Variants in ARHGAP10 observed in about 807,000 individuals in gnomAD.
The protein encoded by ARHGAP10 is rho GTPase-activating protein 10.
A neutral mutation model predicts 108.6 loss-of-function variants in ARHGAP10; 87 were observed. The ratio of observed to expected loss-of-function variants is 0.80; its 90% CI spans 0.67 to 0.96. The LOEUF is 0.96. ARHGAP10 is among the 40% of genes least tolerant of loss of function. The pLI is 0.00. For missense variants in ARHGAP10, 939 were observed against 954.5 expected, an observed-to-expected ratio of 0.98 and a Z score of 0.21; for synonymous variants, 347 against 341.1, an observed-to-expected ratio of 1.02 and a Z score of -0.19.
At chr4:147,788,795 C>T (rs1406675955) in intron 1 of ARHGAP10, among the ~76,000 whole-genome samples, 2 of 152,150 alleles carry the variant, frequency 1.3e-5, no homozygotes, top group Admixed American at 1.3e-4. Flanking sequence ...AGCAGATTCC[C>T]ATGACACCAG....
chr4:147,999,276 G>A (rs1282643132), intron 18 of ARHGAP10, among the ~76,000 whole-genome samples: 2 of 152,236 alleles, frequency 1.3e-5, no homozygotes, highest in East Asian at 3.8e-4. Flanking sequence ...CAGCAGGAGG[G>A]ACAGTGATTG....
intron 18 of ARHGAP10, among the ~76,000 whole-genome samples, chr4:147,980,655 A>T (rs763669624): frequency 6.6e-6 from 1 of 152,140 alleles, no homozygotes; most frequent in Non-Finnish European, 1.5e-5. Context: ...CTGTGAATCC[A>T]TCTCGTCCAG....
At chr4:147,800,280 C>A (rs1224067131) in intron 1 of ARHGAP10, among the ~76,000 whole-genome samples, 7 of 152,190 alleles carry the variant, frequency 4.6e-5, no homozygotes, top group African/African-American at 1.7e-4. Flanking sequence ...GAGCCAGACA[C>A]TTGTTGAGAT....
intron 18 of ARHGAP10, among the ~76,000 whole-genome samples, chr4:147,969,523 T>A (rs1739328521): frequency 6.6e-6 from 1 of 152,128 alleles, no homozygotes; most frequent in Admixed American, 6.5e-5. Flanking sequence ...CAACAATCAT[T>A]TGATTAAATC....
intron 9 of ARHGAP10, among the ~76,000 whole-genome samples, chr4:147,879,874 A>C (rs1735255744): frequency 6.6e-6 from 1 of 152,240 alleles, no homozygotes; most frequent in African/African-American, 2.4e-5. Context: ...CACTGACAGC[A>C]AGCTTTCATG....
intron 10 of ARHGAP10, among the ~76,000 whole-genome samples, chr4:147,885,506 T>C (rs1735509984): frequency 6.6e-6 from 1 of 152,176 alleles, no homozygotes; most frequent in African/African-American, 2.4e-5. Context: ...TTATGGGAGC[T>C]ACAATTCAAG....
At chr4:147,944,605 T>C (rs1203238677) in intron 14 of ARHGAP10, among the ~76,000 whole-genome samples, 1 of 152,234 alleles carries the variant, frequency 6.6e-6, no homozygotes, top group African/African-American at 2.4e-5. Flanking sequence ...TTTTTCTTTT[T>C]AGTGTTTTTA....
chr4:147,760,031 T>C (rs1729532214), intron 1 of ARHGAP10, among the ~76,000 whole-genome samples: 1 of 152,224 alleles, frequency 6.6e-6, no homozygotes, highest in African/African-American at 2.4e-5. Flanking sequence ...ATTATAGGCA[T>C]GAGACACTGG....
chr4:147,866,853 T>C, intron 7 of ARHGAP10, 37 bp downstream of exon 7: 2 of 1,501,272 alleles, frequency 1.3e-6, no homozygotes, highest in Non-Finnish European at 1.8e-6. Flanking sequence ...AAAAGATGTT[T>C]GAAAAGTATT....
intron 20 of ARHGAP10, among the ~76,000 whole-genome samples, chr4:148,059,571 A>G (rs926338535): frequency 1.3e-5 from 2 of 152,082 alleles, no homozygotes; most frequent in Non-Finnish European, 2.9e-5. Flanking sequence ...TATTTCACTA[A>G]TCACCTTTGA....
At chr4:148,055,499 GCCAA>G (rs1247794813) in intron 20 of ARHGAP10, among the ~76,000 whole-genome samples, 1 of 152,178 alleles carries the variant, frequency 6.6e-6, no homozygotes, top group Non-Finnish European at 1.5e-5. Flanking sequence ...GAGCAGCCTG[GCCAA>G]CATGGTGAAA....
At chr4:147,918,723 T>C (rs1737099224) in intron 13 of ARHGAP10, among the ~76,000 whole-genome samples, 1 of 152,218 alleles carries the variant, frequency 6.6e-6, no homozygotes, top group African/African-American at 2.4e-5. Context: ...TTTAATTCAC[T>C]ATCACTGGGA....
chr4:147,966,821 A>C lies in ARHGAP10; in HGVS notation c.1698A>C (p.Leu566Phe). Reference protein sequence around the residue: ...LKFQNIVVEILIENHEKIFRT... With the variant: ...LKFQNIVVEIFIENHEKIFRT... The stretch of plus-strand genomic sequence containing the variant: ...TTCAGAATATTGTTGTGGAAATCTT[A>C]ATTGAAAACCATGAAAAGGTAAAAT... The change falls in exon 18 of 23, where the codon TTA becomes TTC. Residue 566 changes from leucine (L) to phenylalanine (F), a missense_variant. By Grantham distance (22) the Leu-to-Phe change is conservative (BLOSUM62 0). Transcript: ENST00000336498. 6.3e-7 allele frequency: 1 copy of C among 1,576,220 alleles called. No individual in the cohort carries two copies.
intron 16 of ARHGAP10, among the ~76,000 whole-genome samples, chr4:147,963,720 G>GA (rs1346227658): frequency 2.0e-5 from 3 of 152,202 alleles, no homozygotes; most frequent in Non-Finnish European, 4.4e-5. Context: ...CTGAAATCAA[G>GA]ACGTTGGGAG....
chr4:148,014,078 G>A (rs1008500116), intron 18 of ARHGAP10, among the ~76,000 whole-genome samples: 2 of 152,158 alleles, frequency 1.3e-5, no homozygotes, highest in Non-Finnish European at 2.9e-5. Flanking sequence ...CATCAAAGAA[G>A]GAGGAAGAAG....
intron 19 of ARHGAP10, 106 bp downstream of exon 19, chr4:148,023,519 T>G: frequency 8.1e-7 from 1 of 1,236,746 alleles, no homozygotes; most frequent in Non-Finnish European, 1.1e-6. Context: ...TTTAATTTCT[T>G]CTTCCCTTAA....
At chr4:148,029,999 C>T (rs939737551) in intron 19 of ARHGAP10, among the ~76,000 whole-genome samples, 2 of 151,426 alleles carry the variant, frequency 1.3e-5, no homozygotes, top group East Asian at 1.9e-4. Flanking sequence ...CAGCATCCCC[C>T]CCCCCACCAA....
intron 1 of ARHGAP10, among the ~76,000 whole-genome samples, chr4:147,740,379 A>G (rs1728610600): frequency 6.6e-6 from 1 of 152,166 alleles, no homozygotes; most frequent in Non-Finnish European, 1.5e-5. Flanking sequence ...TCTTCACTCC[A>G]AAACCCTGAA....
At chr4:147,991,650 T>C (rs1357237586) in intron 18 of ARHGAP10, among the ~76,000 whole-genome samples, 1 of 152,210 alleles carries the variant, frequency 6.6e-6, no homozygotes, top group East Asian at 1.9e-4. Context: ...ACAAACAGTT[T>C]GGGCACATGG....
Sources: allele counts gnomAD v4.1 joint callset (sites outside exome capture counted in the v4.1 genomes callset), GRCh38; gene constraint gnomAD v4.1.1; transcripts MANE v1.5; gene names NCBI Gene and HGNC (gene_info 2026-07-23, HGNC 2026-07-21).